The following MAP2 variants were observed in gnomAD, a reference collection of about 807,000 sequenced individuals.
MAP2 encodes microtubule associated protein 2, also known as microtubule-associated protein 2.
A neutral mutation model predicts 137.6 loss-of-function variants in MAP2; 14 were observed. The observed-to-expected ratio is 0.10, with a 90% CI of 0.07 to 0.16. MAP2 has a LOEUF of 0.16. Among genes scored for constraint, MAP2 ranks in the 10% least tolerant of loss-of-function variants. The pLI, the probability that MAP2 is intolerant of heterozygous loss-of-function variation, is 1.00. For synonymous variants in MAP2, 786 were observed against 782.3 expected, an observed-to-expected ratio of 1.00 and a Z score of -0.08; for missense variants, 2,088 against 2,191.5, an observed-to-expected ratio of 0.95 and a Z score of 0.94.
In MAP2 at chr2:209,434,854, A is replaced by C. The variant is rs1308174294; in HGVS notation, c.-222+10578A>C. ...CTCTCTATATATATATATATGTTAT[A>C]TATATATGTTATATATATGTTATAT... is the stretch of plus-strand genomic sequence containing the variant. On this transcript the variant is annotated intron_variant, in intron 1 of 15. Coordinates refer to ENST00000682079, the MANE Select transcript of MAP2 (RefSeq NM_001375505.1). Among the ~76,000 whole-genome samples the C allele has an allele frequency of 3.9e-3, 429 of 109,850 alleles. 20 individuals are homozygous for C. The highest frequency in any genetic ancestry group is 0.014 in the African/African-American group (381 of 26,930). The allele number at this position is 109,850 out of a possible 152,430, so 72.1% of individuals were successfully genotyped here.
chr2:209,674,895 T>G (rs2050598877), intron 5 of MAP2, among the ~76,000 whole-genome samples: 1 of 151,802 alleles, frequency 6.6e-6, no homozygotes, highest in South Asian at 2.1e-4. Flanking sequence ...CCAGTAGATC[T>G]GCTGATGAGG....
At chr2:209,597,361 G>T (rs921602355) in intron 3 of MAP2, among the ~76,000 whole-genome samples, 33 of 151,830 alleles carry the variant, frequency 2.2e-4, no homozygotes, top group Non-Finnish European at 4.3e-4. Context: ...TATTAAAATT[G>T]TTACCAAAAA....
chr2:209,558,335 C>T (rs1300964540), intron 2 of MAP2, among the ~76,000 whole-genome samples: 4 of 151,980 alleles, frequency 2.6e-5, no homozygotes, highest in Admixed American at 6.6e-5. Context: ...ATTACAGGCA[C>T]GCACCACCAA....
At chr2:209,540,630 C>CAAAAAAAAAAAA (rs749183996) in intron 2 of MAP2, among the ~76,000 whole-genome samples, 46 of 27,584 alleles carry the variant, frequency 1.7e-3, no homozygotes, top group African/African-American at 2.8e-3. Context: ...GACTCCGTCT[C>CAAAAAAAAAAAA]AAAAAAAAAA....
At chr2:209,711,366 T>C (rs1226119771) in intron 13 of MAP2, among the ~76,000 whole-genome samples, 1 of 152,188 alleles carries the variant, frequency 6.6e-6, no homozygotes, top group Non-Finnish European at 1.5e-5. Flanking sequence ...AATTCAGTGT[T>C]GCTCTTTCAT....
intron 1 of MAP2, among the ~76,000 whole-genome samples, chr2:209,445,777 G>A (rs888831032): frequency 6.6e-5 from 10 of 151,662 alleles, no homozygotes; most frequent in Admixed American, 6.6e-5. Flanking sequence ...ATAGCAATTT[G>A]CATTGAGGTA....
At position 209,692,950 on chromosome 2, in the gene MAP2, A is replaced by G; in HGVS notation, c.780A>G (p.Lys260=). ...TCCCTAAAGAGCCTCCAACTCCAAA[A>G]GAACAAAAGGACTGGTTCATCGAAA... ...IDLPKEPPTP[K]EQKDWFIEMP... The change falls in exon 8 of 16, where the codon AAA becomes AAG. Residue 260 remains lysine (K), a synonymous_variant. Coordinates refer to ENST00000682079, the MANE Select transcript of MAP2 (RefSeq NM_001375505.1). The G allele has an allele frequency of 6.2e-7, 1 of 1,614,090 alleles. No individual in the cohort carries two copies. Among genetic ancestry groups the G allele is most frequent in the Non-Finnish European group, 8.5e-7 (1 of 1,179,974 alleles).
intron 7 of MAP2, among the ~76,000 whole-genome samples, chr2:209,689,007 GA>G (rs1336767572): frequency 6.6e-6 from 1 of 151,996 alleles, no homozygotes; most frequent in African/African-American, 2.4e-5. Flanking sequence ...TTTAAATTAG[GA>G]ACAATTGTAG....
intron 7 of MAP2, among the ~76,000 whole-genome samples, chr2:209,691,465 AT>A (rs3835774): frequency 0.13 from 20,025 of 151,464 alleles, 1,864 homozygotes; most frequent in African/African-American, 0.26. Context: ...TTCATCAAGT[AT>A]TTTTTTTTCT....
At chr2:209,544,773 A>G (rs1018171224) in intron 2 of MAP2, among the ~76,000 whole-genome samples, 2 of 152,210 alleles carry the variant, frequency 1.3e-5, no homozygotes, top group Non-Finnish European at 2.9e-5. Context: ...CAATAATGTG[A>G]TATAAATCTG....
chr2:209,520,827 A>G (rs910503016), intron 2 of MAP2, among the ~76,000 whole-genome samples: 2 of 151,956 alleles, frequency 1.3e-5, no homozygotes, highest in Non-Finnish European at 2.9e-5. Flanking sequence ...TACAGTTTTA[A>G]ATTCTATTGT....
intron 2 of MAP2, among the ~76,000 whole-genome samples, chr2:209,549,709 C>T (rs1017270017): frequency 3.3e-5 from 5 of 152,184 alleles, no homozygotes; most frequent in Non-Finnish European, 7.3e-5. Context: ...GCAACAATCA[C>T]AAGTTGGACA....
chr2:209,592,169 T>G (rs1026615520), intron 3 of MAP2, among the ~76,000 whole-genome samples: 28 of 152,196 alleles, frequency 1.8e-4, no homozygotes, highest in African/African-American at 6.8e-4. Flanking sequence ...TATTCTTGGC[T>G]TTGAGGGTCA....
intron 5 of MAP2, chr2:209,661,626 G>A: frequency 1.0e-6 from 1 of 985,446 alleles, no homozygotes; most frequent in Non-Finnish European, 1.2e-6. Context: ...TAGGCATCCG[G>A]GGCTAGAAAG....
At chr2:209,540,914 G>A (rs1442416243) in intron 2 of MAP2, among the ~76,000 whole-genome samples, 1 of 150,828 alleles carries the variant, frequency 6.6e-6, no homozygotes, top group Non-Finnish European at 1.5e-5. Flanking sequence ...TGAATTTTGT[G>A]TTTTCCAGTG....
chr2:209,581,126 A>C (rs2076317981), intron 3 of MAP2, among the ~76,000 whole-genome samples: 1 of 152,188 alleles, frequency 6.6e-6, no homozygotes, highest in South Asian at 2.1e-4. Flanking sequence ...GTGAGTGTGA[A>C]TATTTGTAGC....
chr2:209,726,103 A>T (rs894080236), intron 14 of MAP2, among the ~76,000 whole-genome samples: 21 of 152,304 alleles, frequency 1.4e-4, no homozygotes, highest in African/African-American at 5.1e-4. Context: ...ACATCAGATC[A>T]TGTATTCATA....
At chr2:209,510,286 G>A (rs1364032045) in intron 2 of MAP2, among the ~76,000 whole-genome samples, 1 of 151,866 alleles carries the variant, frequency 6.6e-6, no homozygotes, top group Non-Finnish European at 1.5e-5. Flanking sequence ...TTGAAAAGGT[G>A]ATTTTTAATG....
Position 209,705,644 on chromosome 2 carries a change from C to T in MAP2, c.4649C>T (p.Pro1550Leu), listed in dbSNP as rs1360222952. ...CCAAGACCTTCCTCCATTCTCCCTC[C>T]TCGGCGAGGTGTGTCAGGAGACAGA... ...SLPRPSSILPPRRGVSGDRDE... is the reference protein window; with the variant it reads ...SLPRPSSILPLRRGVSGDRDE... Residue 1550 changes from proline (P) to leucine (L), a missense_variant, in exon 12 of 16, where the codon CCT becomes CTT. Coordinates refer to ENST00000682079, the MANE Select transcript of MAP2 (RefSeq NM_001375505.1). The T allele has an allele frequency of 6.2e-7, 1 of 1,613,164 alleles. No individual in the cohort carries two copies. The highest frequency in any genetic ancestry group is 8.5e-7 in the Non-Finnish European group (1 of 1,179,444).
Sources: gnomAD v4.1 joint callset for allele counts (sites outside exome capture counted in the v4.1 genomes callset) on GRCh38, gnomAD v4.1.1 for gene constraint, MANE v1.5 for transcripts, NCBI Gene and HGNC (gene_info 2026-07-23, HGNC 2026-07-21) for gene names.